ADAMTS1: variants seen among roughly 807,000 people sequenced by gnomAD.
The protein encoded by ADAMTS1 is A disintegrin and metalloproteinase with thrombospondin motifs 1.
In ADAMTS1, 19 loss-of-function variants were observed where a neutral mutation model predicts 87.9. The ratio of observed to expected loss-of-function variants is 0.22; its 90% CI spans 0.15 to 0.32. The LOEUF is 0.32. Ranked by LOEUF, ADAMTS1 falls within the 10% of genes least tolerant of loss-of-function variation. The probability of loss-of-function intolerance (pLI) is 1.00; values close to 1 mark genes in which losing one functional copy is unlikely to be tolerated. For missense variants in ADAMTS1, 1,240 were observed against 1,259.1 expected, an observed-to-expected ratio of 0.98 and a Z score of 0.23; for synonymous variants, 542 against 501.8, an observed-to-expected ratio of 1.08 and a Z score of -1.07.
chr21:26,844,578 G>A lies in ADAMTS1; in HGVS notation c.377C>T (p.Ser126Phe). ...GCTGGGATCGCCATTCACGGTGCCG[G>A]AGTAGAAGCAGTGCGCCAGGTCGGT... ...PETDLAHCFY[S>F]GTVNGDPSSA... Residue 126 changes from serine to phenylalanine, a missense_variant, in exon 1 of 9, where the codon TCC (serine) becomes TTC (phenylalanine). This residue lies in a region of ADAMTS1 where 521 missense variants were observed against 449.7 expected (regional missense o/e 1.16). Transcript: ENST00000284984. 2.5e-6 allele frequency: 4 copies of A among 1,611,206 alleles called. No individual in the cohort carries two copies. The highest frequency in any genetic ancestry group is 3.4e-6 in the Non-Finnish European group (4 of 1,178,950).
Position 26,839,619 on chromosome 21 carries a change from C to G in ADAMTS1, c.1996G>C (p.Gly666Arg). 1 of 1,608,566 alleles carries G rather than the reference C, an allele frequency of 6.2e-7. No individual in the cohort carries two copies. The highest frequency in any genetic ancestry group is 1.1e-5 in the South Asian group (1 of 90,884). The change falls in exon 7 of 9, where the codon GGC becomes CGC. Residue 666 changes from glycine (G) to arginine (R), a missense_variant. By Grantham distance (125) the Gly-to-Arg change is moderately radical. Transcript: ENST00000284984. ...DRCKLICQAK[G>R]IGYFFVLQPK... ...TGCAAAACGAAGAAGTAGCCAATGCCTTTGGCTTGGCAGATGAGCTTGCAC... is the reference window on the plus strand; with the variant it reads ...TGCAAAACGAAGAAGTAGCCAATGCGTTTGGCTTGGCAGATGAGCTTGCAC...
chr21:26,845,075 C>A lies in ADAMTS1; in HGVS notation c.-121G>T. ...GTTAAAATTAACAATTTCTATTATTCGTTGGAAGGGCGCGCAGAGCCGGCT... is the reference window on the plus strand; with the variant it reads ...GTTAAAATTAACAATTTCTATTATTAGTTGGAAGGGCGCGCAGAGCCGGCT... On this transcript the variant is annotated 5_prime_UTR_variant, in exon 1 of 9. Coordinates refer to ENST00000284984, the MANE Select transcript of ADAMTS1 (RefSeq NM_006988.5). The A allele has an allele frequency of 7.9e-7, 1 of 1,266,210 alleles. No homozygotes were observed. The highest frequency in any genetic ancestry group is 2.8e-5 in the South Asian group (1 of 35,592). 78.4% of individuals were successfully genotyped at this position (1,266,210 alleles called of 1,614,324 possible). A position where few individuals can be genotyped will look rare whatever the true frequency, so the allele number is the denominator to read the frequency against.
At position 26,842,867 on chromosome 21, in the gene ADAMTS1, C is replaced by T. The variant is rs1601923878; in HGVS notation, c.731-182G>A. ...GTTATTTTTAAAGTTCTCTCCTCTC[C>T]TTTAAATAAAAAGACCACGCGCTCC... On this transcript the variant is annotated intron_variant, in intron 1 of 8. Transcript: ENST00000284984. 9.9e-6 allele frequency: 6 copies of T among 605,576 alleles called. No homozygotes were observed. The East Asian group carries it at 1.7e-4, about 17-fold the overall frequency. 37.5% of individuals were successfully genotyped at this position (605,576 alleles called of 1,614,324 possible).
At chr21:26,842,218 T>C (rs1466198154) in intron 2 of ADAMTS1, 121 bp downstream of exon 2, 1 of 1,068,146 alleles carries the variant, frequency 9.4e-7, no homozygotes, top group African/African-American at 1.6e-5. Context: ...AGATAAACCA[T>C]GCTAGCCAAT....
chr21:26,839,787 A>T, intron 6 of ADAMTS1, 25 bp from the exon 7 acceptor site: 1 of 1,604,340 alleles, frequency 6.2e-7, no homozygotes, highest in Admixed American at 1.7e-5. Context: ...ATATGATAAC[A>T]TTATCAGTTT....
intron 5 of ADAMTS1, 93 bp from the exon 6 acceptor site, chr21:26,840,154 A>G: frequency 6.5e-7 from 1 of 1,548,068 alleles, no homozygotes; most frequent in South Asian, 1.3e-5. Context: ...AATCAGTTCT[A>G]AAAATAAGCT....
At position 26,841,121 on chromosome 21, in the gene ADAMTS1, T is replaced by C; in HGVS notation, c.1255A>G (p.Ser419Gly). ...MPHDDAKQCA[S>G]LNGVNQDSHM... ...GAATCCTGGTTCACACCATTAAGGC[T>C]GGCACACTGCTTTGCATCATCATGT... The change falls in exon 4 of 9, where the codon AGC becomes GGC. Residue 419 changes from serine to glycine, a missense_variant. By Grantham distance (56) the Ser-to-Gly change is moderately conservative. Coordinates refer to ENST00000284984, the MANE Select transcript of ADAMTS1 (RefSeq NM_006988.5). 1 of 1,614,198 alleles carries C rather than the reference T, an allele frequency of 6.2e-7. No individual in the cohort carries two copies. The highest frequency in any genetic ancestry group is 8.5e-7 in the Non-Finnish European group (1 of 1,180,038).
intron 1 of ADAMTS1, 156 bp from the exon 2 acceptor site, chr21:26,842,841 T>C (rs1267557546): frequency 4.8e-6 from 3 of 630,184 alleles, no homozygotes; most frequent in African/African-American, 3.7e-5. Context: ...TCACTCCAAG[T>C]GTTATTTTTA....
chr21:26,838,227 T>A lies in ADAMTS1; in HGVS notation c.2256A>T (p.Glu752Asp). 1 of 1,613,762 alleles carries A rather than the reference T, an allele frequency of 6.2e-7. No individual in the cohort carries two copies. Among genetic ancestry groups the A allele is most frequent in the Non-Finnish European group, 8.5e-7 (1 of 1,179,764 alleles). ...ITIPTGATNI[E>D]VKQRNQRGSR... ...ATCCCCTCTGGTTCCGCTGTTTCAC[T>A]TCGATGTTGGTGGCTCCAGTTGGAA... The change falls in exon 9 of 9, where the codon GAA becomes GAT. Residue 752 changes from glutamate (E) to aspartate (D), a missense_variant. Coordinates refer to ENST00000284984, the MANE Select transcript of ADAMTS1 (RefSeq NM_006988.5).
In ADAMTS1 at chr21:26,839,897, A is replaced by C; in HGVS notation, c.1830T>G (p.Leu610=). ...GKRVRYRSCN[L]EDCPDNNGKT... ...CACCATTATTGTCTGGACAGTCCTC[A>C]AGGTTACAGGATCTGTAGCGCACTC... The change falls in exon 6 of 9, where the codon CTT becomes CTG. Residue 610 remains leucine, a synonymous_variant. Transcript: ENST00000284984. 6.2e-7 allele frequency: 1 copy of C among 1,613,938 alleles called. No homozygotes were observed. The highest frequency in any genetic ancestry group is 8.5e-7 in the Non-Finnish European group (1 of 1,179,992).
Position 26,840,012 on chromosome 21 carries a change from G to A in ADAMTS1, c.1715C>T (p.Ser572Leu), listed in dbSNP as rs373807387. 7 of 1,613,776 alleles carry A rather than the reference G, an allele frequency of 4.3e-6. No individual in the cohort carries two copies. Among genetic ancestry groups the A allele is most frequent in the South Asian group, 2.2e-5 (2 of 91,082 alleles). The change falls in exon 6 of 9, where the codon TCG becomes TTG. Residue 572 changes from serine (S) to leucine (L), a missense_variant. Physicochemically the swap from Ser to Leu is moderately radical, Grantham distance 145. Coordinates refer to ENST00000284984, the MANE Select transcript of ADAMTS1 (RefSeq NM_006988.5). ...WGMWGPWGDC[S>L]RTCGGGVQYT... ...CTGGACTCCTCCACCGCACGTTCTC[G>A]AACAGTCTCCCCAAGGCCCCCACAT... is the stretch of plus-strand genomic sequence containing the variant.
chr21:26,845,233 G>A lies in ADAMTS1; in HGVS notation c.-279C>T, dbSNP rs1446675083. ...CAGAGTGGCTCTGCTGGGACAAGAA[G>A]CGCTCTGGGGCGCCTCCGGGGCTGA... On this transcript the variant is annotated 5_prime_UTR_variant, in exon 1 of 9. Coordinates refer to ENST00000284984, the MANE Select transcript of ADAMTS1 (RefSeq NM_006988.5). The A allele has an allele frequency of 5.6e-5, 20 of 355,116 alleles. No individual in the cohort carries two copies. The highest frequency in any genetic ancestry group is 9.5e-5 in the Non-Finnish European group (19 of 199,758). The allele number at this position is 355,116 out of a possible 1,614,324, so 22.0% of individuals were successfully genotyped here.
chr21:26,838,282 C>CA lies in ADAMTS1; in HGVS notation c.2205-5dup, dbSNP rs778661716. 1.3e-5 allele frequency: 20 copies of CA among 1,595,938 alleles called. No homozygotes were observed. In the South Asian group the frequency reaches 2.2e-4, roughly 18 times the overall value. ...GATGATATCATGATATCCAGGTCTG[C>CA]AGGTGACAAAAACAGGCATAAATCT... On this transcript the variant is annotated splice_region_variant and splice_polypyrimidine_tract_variant and intron_variant, in intron 8 of 8. Transcript: ENST00000284984.
At chr21:26,838,381 A>G (rs1392637352) in intron 8 of ADAMTS1, 58 bp downstream of exon 8, 30 of 1,598,858 alleles carry the variant, frequency 1.9e-5, no homozygotes, top group Non-Finnish European at 1.7e-5. Context: ...TTTTTCCCAG[A>G]CCTGTTGAAA....
Position 26,844,522 on chromosome 21 carries a change from C to T in ADAMTS1, c.433G>A (p.Val145Met). The T allele has an allele frequency of 6.2e-7, 1 of 1,600,918 alleles. No homozygotes were observed. Among genetic ancestry groups the T allele is most frequent in the Non-Finnish European group, 8.5e-7 (1 of 1,174,320 alleles). Residue 145 changes from valine (V) to methionine (M), a missense_variant, in exon 1 of 9, where the codon GTG becomes ATG. By Grantham distance (21) the Val-to-Met change is conservative. Transcript: ENST00000284984. ...SAAALSLCEG[V>M]RGAFYLLGEA... ...CCCAGCAGGTAGAAGGCGCCGCGCA[C>T]GCCCTCGCAGAGGCTGAGGGCGGCA... is the stretch of plus-strand genomic sequence containing the variant.
rs368225593 is a variant in ADAMTS1 at position 26,841,111 on chromosome 21, C to A, written c.1265G>T (p.Gly422Val). ...CATCATGTGGGAATCCTGGTTCACA[C>A]CATTAAGGCTGGCACACTGCTTTGC... ...DDAKQCASLN[G>V]VNQDSHMMAS... The change falls in exon 4 of 9, where the codon GGT becomes GTT. Residue 422 changes from glycine to valine, a missense_variant. Gly to Val is a moderately radical substitution (Grantham distance 109). Coordinates refer to ENST00000284984, the MANE Select transcript of ADAMTS1 (RefSeq NM_006988.5). 1.9e-5 allele frequency: 31 copies of A among 1,614,008 alleles called. No individual in the cohort carries two copies. Among genetic ancestry groups the A allele is most frequent in the Non-Finnish European group, 2.5e-5 (29 of 1,180,058 alleles).
rs1167193211 is a variant in ADAMTS1, at chr21:26,841,895, A to G, written c.1173T>C (p.Asp391=). The G allele has an allele frequency of 3.1e-6, 5 of 1,614,124 alleles. No homozygotes were observed. The highest frequency in any genetic ancestry group is 4.5e-5 in the East Asian group (2 of 44,872). ...PSRSCSVIED[D]GLQAAFTTAH... ...CTGTGGTGAAGGCAGCTTGTAAACC[A>G]TCATCTTCTATGACGGAGCAGCTTC... The change falls in exon 3 of 9, where the codon GAT becomes GAC. Residue 391 remains aspartate, a synonymous_variant. Transcript: ENST00000284984.
In ADAMTS1 at chr21:26,840,995, C is replaced by T. The variant is rs182384246; in HGVS notation, c.1378+3G>A. ...TCTAGAGAGAGTAGCTGGAATATCTCACCATGACCATTATCCAGAAATGAT... is the reference window on the plus strand; with the variant it reads ...TCTAGAGAGAGTAGCTGGAATATCTTACCATGACCATTATCCAGAAATGAT... On this transcript the variant is annotated splice_donor_region_variant and intron_variant, in intron 4 of 8. Coordinates refer to ENST00000284984, the MANE Select transcript of ADAMTS1 (RefSeq NM_006988.5). 1.7e-4 allele frequency: 273 copies of T among 1,613,260 alleles called. No homozygotes were observed. The highest frequency in any genetic ancestry group is 1.5e-3 in the Admixed American group (88 of 60,002).
chr21:26,838,686 ATT>A (rs971422194), intron 7 of ADAMTS1, 72 bp from the exon 8 acceptor site: 13 of 1,460,730 alleles, frequency 8.9e-6, no homozygotes, highest in African/African-American at 5.6e-5. Context: ...AAGTGTAAAC[ATT>A]TTCTCTCTAC....
Sources: gnomAD v4.1 joint callset for allele counts on GRCh38, gnomAD v4.1.1 for gene constraint, gnomAD v4.1.1 regional missense constraint, MANE v1.5 for transcripts, NCBI Gene and HGNC (gene_info 2026-07-23, HGNC 2026-07-21) for gene names.